The following CLNK variants were observed in gnomAD, a reference collection of about 807,000 sequenced individuals.
CLNK encodes the protein cytokine-dependent hematopoietic cell linker.
A neutral mutation model predicts 68.6 loss-of-function variants in CLNK; 74 were observed. The observed-to-expected ratio is 1.08, with a 90% CI of 0.89 to 1.31. CLNK has a LOEUF of 1.31. Among genes scored for constraint, CLNK ranks in the 50% most tolerant of loss-of-function variants. The pLI is 0.00. For missense variants in CLNK, 553 were observed against 515.3 expected (o/e 1.07, Z -0.71); for synonymous variants, 198 against 172.2 (o/e 1.15, Z -1.17).
At chr4:10,574,599 T>C (rs1720482407) in intron 4 of CLNK, among the ~76,000 whole-genome samples, 1 of 152,142 alleles carries the variant, frequency 6.6e-6, no homozygotes, top group African/African-American at 2.4e-5. Flanking sequence ...GTAATTTTCC[T>C]TTCCCAGACC....
chr4:10,655,438 C>A (rs896848286), intron 2 of CLNK, among the ~76,000 whole-genome samples: 6 of 151,386 alleles, frequency 4.0e-5, no homozygotes, highest in Admixed American at 2.6e-4. Flanking sequence ...CAAGAGCCAA[C>A]GTCCTGCTGA....
At chr4:10,527,492 T>C (rs769897481) in intron 13 of CLNK, among the ~76,000 whole-genome samples, 59 of 152,240 alleles carry the variant, frequency 3.9e-4, no homozygotes, top group Non-Finnish European at 5.7e-4. Flanking sequence ...TTTTGTGAAC[T>C]CTTTGGGCTG....
the CLNK span, among the ~76,000 whole-genome samples, chr4:10,696,509 C>T: frequency 6.6e-6 from 1 of 152,190 alleles, no homozygotes; most frequent in Admixed American, 6.5e-5. Context: ...AGCTGAAACT[C>T]TGTGGGTTTT....
intron 2 of CLNK, among the ~76,000 whole-genome samples, chr4:10,651,443 C>T (rs60291377): frequency 6.6e-6 from 1 of 152,266 alleles, no homozygotes; most frequent in East Asian, 1.9e-4. Flanking sequence ...CAAACTAACA[C>T]AGTAACAGAA....
chr4:10,563,636 C>G (rs1349103238), intron 7 of CLNK, among the ~76,000 whole-genome samples: 1 of 152,014 alleles, frequency 6.6e-6, no homozygotes, highest in African/African-American at 2.4e-5. Context: ...TGGCCCGGCG[C>G]GGTGGCTCAC....
At chr4:10,702,091 G>A in the CLNK span, among the ~76,000 whole-genome samples, 1 of 152,196 alleles carries the variant, frequency 6.6e-6, no homozygotes, top group Admixed American at 6.5e-5. Context: ...GACGTCCCTA[G>A]TTTATTCTGA....
At chr4:10,723,918 G>GAGAGAGAC in the CLNK span, among the ~76,000 whole-genome samples, 1 of 146,606 alleles carries the variant, frequency 6.8e-6, no homozygotes, top group African/African-American at 2.6e-5. Flanking sequence ...GAGAGAGAGA[G>GAGAGAGAC]AAGGCAGGGC....
intron 2 of CLNK, among the ~76,000 whole-genome samples, chr4:10,644,578 CAGA>C (rs1723438095): frequency 6.6e-6 from 1 of 151,980 alleles, no homozygotes; most frequent in South Asian, 2.1e-4. Context: ...GAGGCTCAGG[CAGA>C]AGAACAGGGT....
chr4:10,663,578 T>C (rs191426644), intron 2 of CLNK, among the ~76,000 whole-genome samples: 1 of 152,354 alleles, frequency 6.6e-6, no homozygotes, highest in East Asian at 1.9e-4. Context: ...TGTGTGCATG[T>C]GCTTGTATTG....
In CLNK at chr4:10,540,529, C is replaced by G; in HGVS notation, c.567G>C (p.Gln189His). The stretch of plus-strand genomic sequence containing the variant: ...TCTGGACTTCTGGAAAGGTGTGTCT[C>G]TGAGATAAAGGTGGCCTGCTGCTCT... ...EPESSRPPLS[Q>H]RHTFPEVQRM... The change falls in exon 11 of 19, where the codon CAG (glutamine) becomes CAC (histidine). Residue 189 changes from glutamine (Q) to histidine (H), a missense_variant. Gln to His is a conservative substitution (Grantham distance 24). Coordinates refer to ENST00000226951, the MANE Select transcript of CLNK (RefSeq NM_052964.4). 6 of 1,613,850 alleles carry G rather than the reference C, an allele frequency of 3.7e-6. No homozygotes were observed. Among genetic ancestry groups the G allele is most frequent in the Non-Finnish European group, 5.1e-6 (6 of 1,179,810 alleles).
At chr4:10,506,574 G>T (rs1422653074) in intron 17 of CLNK, among the ~76,000 whole-genome samples, 1 of 152,154 alleles carries the variant, frequency 6.6e-6, no homozygotes, top group Non-Finnish European at 1.5e-5. Context: ...AGTACTTTGG[G>T]CAAACCTTGA....
intron 2 of CLNK, among the ~76,000 whole-genome samples, chr4:10,666,017 G>A (rs1724382134): frequency 6.6e-6 from 1 of 152,148 alleles, no homozygotes; most frequent in Non-Finnish European, 1.5e-5. Flanking sequence ...GGAGATTTGA[G>A]GTGAGATGAA....
intron 3 of CLNK, among the ~76,000 whole-genome samples, chr4:10,591,536 G>C (rs1721177159): frequency 6.6e-6 from 1 of 152,194 alleles, no homozygotes; most frequent in Non-Finnish European, 1.5e-5. Flanking sequence ...GTGAATGAAT[G>C]CCACAGGCAC....
intron 4 of CLNK, among the ~76,000 whole-genome samples, chr4:10,576,021 C>A (rs896772253): frequency 1.3e-5 from 2 of 152,206 alleles, no homozygotes; most frequent in African/African-American, 4.8e-5. Context: ...CGTCAGGCTC[C>A]TGATGGCTCC....
intron 3 of CLNK, among the ~76,000 whole-genome samples, chr4:10,594,127 G>C (rs750160287): frequency 6.6e-6 from 1 of 152,162 alleles, no homozygotes; most frequent in Non-Finnish European, 1.5e-5. Context: ...CTTCCCACCA[G>C]ATACTGAGCA....
At chr4:10,651,812 G>A (rs1313147891) in intron 2 of CLNK, among the ~76,000 whole-genome samples, 2 of 151,998 alleles carry the variant, frequency 1.3e-5, no homozygotes, top group Non-Finnish European at 2.9e-5. Flanking sequence ...CTACAAGACT[G>A]TAAATATATC....
At chr4:10,733,441 T>C in the CLNK span, among the ~76,000 whole-genome samples, 1 of 152,208 alleles carries the variant, frequency 6.6e-6, no homozygotes, top group Non-Finnish European at 1.5e-5. Context: ...GTATTAACCA[T>C]GTTATACTTG....
intron 2 of CLNK, among the ~76,000 whole-genome samples, chr4:10,651,555 T>A (rs947309394): frequency 1.3e-5 from 2 of 152,138 alleles, no homozygotes; most frequent in African/African-American, 2.4e-5. Context: ...AATTTATGAT[T>A]TCCTTTGCCA....
rs1199268993 is a variant in CLNK at position 10,498,654 on chromosome 4, C to G, written c.1140+2602G>C. On this transcript the variant is annotated intron_variant, in intron 18 of 18. Coordinates refer to ENST00000226951, the MANE Select transcript of CLNK (RefSeq NM_052964.4). The stretch of plus-strand genomic sequence containing the variant: ...CTATATCCTACTTATTAAAATGACT[C>G]AGGAATAGTAATGAAAATATAACTA... Among the ~76,000 whole-genome samples, 4 of 152,260 alleles carry G rather than the reference C, an allele frequency of 2.6e-5. No homozygotes were observed. The East Asian group carries it at 7.7e-4, about 29-fold the overall frequency.
Sources: gnomAD v4.1 joint callset for allele counts (sites outside exome capture counted in the v4.1 genomes callset) on GRCh38, gnomAD v4.1.1 for gene constraint, MANE v1.5 for transcripts, NCBI Gene and HGNC (gene_info 2026-07-23, HGNC 2026-07-21) for gene names.